Variants in ABTB3 observed in about 807,000 individuals in gnomAD.
ABTB3 encodes the protein ankyrin repeat- and BTB/POZ domain-containing protein 3.
the ABTB3 span, among the ~76,000 whole-genome samples, chr12:107,438,314 C>T: frequency 6.6e-6 from 1 of 152,182 alleles, no homozygotes; most frequent in Non-Finnish European, 1.5e-5. Context: ...AGCCATTCTA[C>T]TGAGAATGGA....
the ABTB3 span, among the ~76,000 whole-genome samples, chr12:107,443,502 C>T: frequency 6.6e-6 from 1 of 152,098 alleles, no homozygotes; most frequent in East Asian, 1.9e-4. Flanking sequence ...GCAGAGAGAA[C>T]AGCAAGTGCA....
chr12:107,480,367 A>G, the ABTB3 span, among the ~76,000 whole-genome samples: 2 of 152,182 alleles, frequency 1.3e-5, no homozygotes, highest in East Asian at 3.8e-4. Flanking sequence ...GTGATCTAGA[A>G]AGATTAGCTT....
At chr12:107,415,342 C>T in the ABTB3 span, among the ~76,000 whole-genome samples, 2 of 152,112 alleles carry the variant, frequency 1.3e-5, no homozygotes, top group African/African-American at 4.8e-5. Context: ...GTTTGTTCAT[C>T]GTCTGCCTCC....
the ABTB3 span, among the ~76,000 whole-genome samples, chr12:107,537,749 A>G: frequency 6.6e-6 from 1 of 152,270 alleles, no homozygotes; most frequent in East Asian, 1.9e-4. Flanking sequence ...GATCTGGCCA[A>G]CCTCAGAGCT....
chr12:107,574,932 G>A, the ABTB3 span, among the ~76,000 whole-genome samples: 1 of 152,180 alleles, frequency 6.6e-6, no homozygotes, highest in Non-Finnish European at 1.5e-5. Context: ...GCACAGTAGG[G>A]CTGTCACTAT....
chr12:107,324,745 A>G, the ABTB3 span, among the ~76,000 whole-genome samples: 8 of 152,160 alleles, frequency 5.3e-5, no homozygotes, highest in Admixed American at 2.6e-4. Flanking sequence ...CACACCAAAA[A>G]AAAAGCCATA....
chr12:107,344,712 T>A, the ABTB3 span, among the ~76,000 whole-genome samples: 1 of 152,266 alleles, frequency 6.6e-6, no homozygotes, highest in South Asian at 2.1e-4. Context: ...CATTAAGATT[T>A]GTTAAAGCAG....
At chr12:107,482,169 G>A in the ABTB3 span, among the ~76,000 whole-genome samples, 6 of 152,176 alleles carry the variant, frequency 3.9e-5, no homozygotes, top group East Asian at 1.9e-4. Context: ...CCAAAATAAC[G>A]CATGTCACCC....
chr12:107,491,131 G>T, the ABTB3 span, among the ~76,000 whole-genome samples: 5 of 137,258 alleles, frequency 3.6e-5, no homozygotes, highest in Non-Finnish European at 8.2e-5. Context: ...CAAGACCAAG[G>T]ATACAGAGAC....
the ABTB3 span, among the ~76,000 whole-genome samples, chr12:107,638,460 C>A: frequency 2.0e-5 from 3 of 152,128 alleles, no homozygotes; most frequent in African/African-American, 7.2e-5. Flanking sequence ...TTAGGACAAC[C>A]CATAAATCCA....
chr12:107,376,404 C>T, the ABTB3 span, among the ~76,000 whole-genome samples: 406 of 152,324 alleles, frequency 2.7e-3, 3 homozygotes, highest in African/African-American at 9.4e-3. Context: ...ATGCTGCAAA[C>T]TCCTTGCTCC....
chr12:107,545,580 A>C, the ABTB3 span, among the ~76,000 whole-genome samples: 1 of 152,066 alleles, frequency 6.6e-6, no homozygotes, highest in Non-Finnish European at 1.5e-5. Flanking sequence ...ACTCAACATC[A>C]ATATTTCAAT....
At chr12:107,384,131 T>G in the ABTB3 span, among the ~76,000 whole-genome samples, 1 of 152,246 alleles carries the variant, frequency 6.6e-6, no homozygotes, top group Non-Finnish European at 1.5e-5. Context: ...AGAACTCACA[T>G]GTCTGGGACA....
the ABTB3 span, among the ~76,000 whole-genome samples, chr12:107,489,439 G>A: frequency 8.1e-3 from 1,233 of 152,256 alleles, 11 homozygotes; most frequent in Non-Finnish European, 0.013. Flanking sequence ...AGAATCACTC[G>A]AACCTGGGAG....
the ABTB3 span, among the ~76,000 whole-genome samples, chr12:107,424,659 G>T: frequency 6.6e-6 from 1 of 152,178 alleles, no homozygotes; most frequent in Non-Finnish European, 1.5e-5. Flanking sequence ...AGGAAAAAAG[G>T]AAGGAAGAGT....
the ABTB3 span, among the ~76,000 whole-genome samples, chr12:107,545,197 G>A: frequency 6.6e-6 from 1 of 152,032 alleles, no homozygotes; most frequent in Admixed American, 6.6e-5. Context: ...GGAAAAAGAT[G>A]GAACATAGGC....
the ABTB3 span, chr12:107,651,649 AAC>A: frequency 6.3e-7 from 1 of 1,577,152 alleles, no homozygotes; most frequent in African/African-American, 1.3e-5. Flanking sequence ...CCCAGCCTCT[AAC>A]AGACTCTTTT....
At chr12:107,581,060 G>C in the ABTB3 span, 1 of 1,542,106 alleles carries the variant, frequency 6.5e-7, no homozygotes, top group Non-Finnish European at 8.7e-7. Context: ...GAGATGGGGG[G>C]ATCCCCGCGA....
At chr12:107,371,511 A>G in the ABTB3 span, among the ~76,000 whole-genome samples, 1 of 152,236 alleles carries the variant, frequency 6.6e-6, no homozygotes, top group Admixed American at 6.5e-5. Context: ...GATTTTAAGC[A>G]GTAAAGTCTG....
Sources: allele counts gnomAD v4.1 joint callset (sites outside exome capture counted in the v4.1 genomes callset), GRCh38; gene constraint gnomAD v4.1.1; transcripts MANE v1.5; gene names NCBI Gene and HGNC (gene_info 2026-07-23, HGNC 2026-07-21).